Variants in PER3 observed in about 807,000 individuals in gnomAD.
PER3 encodes period circadian protein homolog 3.
PER3 carries 107 observed loss-of-function variants against 127.2 expected under a neutral mutation model. The observed-to-expected ratio is 0.84, with a 90% confidence interval of 0.72 to 0.99. PER3 has a LOEUF of 0.99. Among genes scored for constraint, PER3 ranks in the 50% least tolerant of loss-of-function variants. PER3 has a pLI of 0.00. For missense variants in PER3, 1,560 were observed against 1,525.8 expected, an observed-to-expected ratio of 1.02 and a Z score of -0.37; for synonymous variants, 618 against 585.8, an observed-to-expected ratio of 1.05 and a Z score of -0.79.
At chr1:7,825,941 C>T (rs998272904) in intron 16 of PER3, among the ~76,000 whole-genome samples, 2 of 150,492 alleles carry the variant, frequency 1.3e-5, no homozygotes, top group Admixed American at 1.3e-4. Flanking sequence ...CGTGGTGTGG[C>T]ACACGCTTAT....
chr1:7,836,908 A>G (rs1337590254), intron 20 of PER3, 91 bp from the exon 21 acceptor site: 2 of 953,356 alleles, frequency 2.1e-6, no homozygotes, highest in African/African-American at 3.3e-5. Context: ...AAGGTGTATT[A>G]CCAACCAAGA....
At chr1:7,810,333 C>A in intron 12 of PER3, 105 bp from the exon 13 acceptor site, 1 of 832,772 alleles carries the variant, frequency 1.2e-6, no homozygotes, top group Non-Finnish European at 1.9e-6. Flanking sequence ...GTGCTTCAGT[C>A]ATTATATCTT....
intron 6 of PER3, among the ~76,000 whole-genome samples, chr1:7,796,993 G>GTGCTTAGTTTTAGATAAGTTAAGTT (rs1374568314): frequency 4.6e-5 from 7 of 152,126 alleles, no homozygotes; most frequent in African/African-American, 1.7e-4. Flanking sequence ...AAAGAATGTG[G>GTGCTTAGTTTTAGATAAGTTAAGTT]TGCTTAGTTT....
intron 2 of PER3, 69 bp from the exon 3 acceptor site, chr1:7,785,372 T>G: frequency 7.9e-7 from 1 of 1,266,862 alleles, no homozygotes; most frequent in South Asian, 1.3e-5. Flanking sequence ...GCTTGCAGTT[T>G]GTGTTCCCTA....
intron 19 of PER3, 49 bp from the exon 20 acceptor site, chr1:7,835,713 A>C: frequency 7.4e-7 from 1 of 1,358,894 alleles, no homozygotes; most frequent in Non-Finnish European, 1.0e-6. Context: ...CAGTTTGGCA[A>C]ATCAGTCGGA....
rs757726643 is a variant in PER3 at position 7,785,367 on chromosome 1, C to T, written c.129-74C>T. 1.2e-5 allele frequency: 14 copies of T among 1,179,026 alleles called. No individual in the cohort carries two copies. The Admixed American group carries it at 1.5e-4, about 12-fold the overall frequency. 73.0% of individuals were successfully genotyped at this position (1,179,026 alleles called of 1,614,324 possible). On this transcript the variant is annotated intron_variant, in intron 2 of 21. Transcript: ENST00000377532. ...AGCACTTAGAAACTTACCTGGCTTG[C>T]AGTTTGTGTTCCCTAAGCCGCAAGA...
In PER3 at chr1:7,819,376, C is replaced by G; in HGVS notation, c.1614C>G (p.His538Gln). The G allele has an allele frequency of 1.2e-6, 2 of 1,613,628 alleles. No individual in the cohort carries two copies. Among genetic ancestry groups the G allele is most frequent in the East Asian group, 4.5e-5 (2 of 44,884 alleles). Residue 538 changes from histidine (H) to glutamine (Q), a missense_variant, in exon 14 of 22, where the codon CAC becomes CAG. His to Gln is a conservative substitution (Grantham distance 24). Transcript: ENST00000377532. ...GTGAGGATTTGAGGAACGATGAGCA[C>G]AGCCCATCCTATCAACAGATCAACT... ...EPCEDLRNDE[H>Q]SPSYQQINCI...
In PER3 at chr1:7,820,423, T is replaced by G. The variant is rs1262691073; in HGVS notation, c.1784-44T>G. On this transcript the variant is annotated intron_variant, in intron 15 of 21. Coordinates refer to ENST00000377532, the MANE Select transcript of PER3 (RefSeq NM_001377275.1). The stretch of plus-strand genomic sequence containing the variant: ...CTGGGTCTTTTATGTAAATTTCTCG[T>G]TGGGAATTTTTCTTTTCACTGTCAG... 8 of 1,554,628 alleles carry G rather than the reference T, an allele frequency of 5.1e-6. No homozygotes were observed. The Admixed American group carries it at 1.4e-4, about 26-fold the overall frequency.
Position 7,827,437 on chromosome 1 carries a change from C to G in PER3, c.2508C>G (p.Pro836=). 2 of 1,614,210 alleles carry G rather than the reference C, an allele frequency of 1.2e-6. No homozygotes were observed. Among genetic ancestry groups the G allele is most frequent in the Non-Finnish European group, 1.7e-6 (2 of 1,180,014 alleles). ...CACCGGAAGGCCTGCATGGGCTGCC[C>G]TTGTCCGAGGGCTTGCAGCCTTACC... is the stretch of plus-strand genomic sequence containing the variant. The part of the protein sequence containing the change: ...GTAPEGLHGL[P]LSEGLQPYPA... The change falls in exon 18 of 22, where the codon CCC becomes CCG. Residue 836 remains proline (P), a synonymous_variant. Transcript: ENST00000377532.
intron 11 of PER3, among the ~76,000 whole-genome samples, chr1:7,809,613 T>C (rs1291913161): frequency 6.6e-6 from 1 of 152,224 alleles, no homozygotes; most frequent in East Asian, 1.9e-4. Flanking sequence ...GAGTTTATTT[T>C]CCTGTTTTAA....
intron 8 of PER3, 59 bp from the exon 9 acceptor site, chr1:7,802,988 A>T: frequency 1.1e-6 from 1 of 890,806 alleles, no homozygotes; most frequent in South Asian, 1.3e-5. Context: ...AAGTATTTTT[A>T]AAAGTGTATA....
chr1:7,797,663 T>C, intron 6 of PER3, among the ~76,000 whole-genome samples: 1 of 144,768 alleles, frequency 6.9e-6, no homozygotes, highest in Non-Finnish European at 1.5e-5. Flanking sequence ...GAAAAAAAAG[T>C]GAGGTGGAAG....
At position 7,803,882 on chromosome 1, in the gene PER3, T is replaced by A. The variant is rs765982350; in HGVS notation, c.1136+34T>A. ...GTCAGTTTTCATATTTTCTAAAACA[T>A]CTCTTGTATCAAATAATATTCCTTA... On this transcript the variant is annotated intron_variant, in intron 10 of 21. Coordinates refer to ENST00000377532, the MANE Select transcript of PER3 (RefSeq NM_001377275.1). 5 of 1,552,834 alleles carry A rather than the reference T, an allele frequency of 3.2e-6. No individual in the cohort carries two copies. The African/African-American group carries it at 6.8e-5, about 21-fold the overall frequency.
chr1:7,819,060 G>A (rs556683263), intron 13 of PER3, among the ~76,000 whole-genome samples: 7 of 152,220 alleles, frequency 4.6e-5, no homozygotes, highest in East Asian at 1.9e-4. Context: ...AAATACAATC[G>A]TAGCCATTCT....
At chr1:7,806,777 G>C (rs531455116) in intron 10 of PER3, among the ~76,000 whole-genome samples, 26 of 126,448 alleles carry the variant, frequency 2.1e-4, no homozygotes, top group Non-Finnish European at 2.8e-4. Flanking sequence ...CTGGGCAGCA[G>C]AGCAAGACCC....
chr1:7,808,978 A>G lies in PER3; in HGVS notation c.1222A>G (p.Ile408Val). ...DKDITELQEQ[I>V]YKLLLQPVHV... The stretch of plus-strand genomic sequence containing the variant: ...AGACATAACAGAATTACAAGAACAA[A>G]TTTACAAACTTCTCTTACAGGTAAG... Residue 408 changes from isoleucine to valine, a missense_variant, in exon 11 of 22, where the codon ATT becomes GTT. Physicochemically the swap from Ile to Val is conservative, Grantham distance 29. Coordinates refer to ENST00000377532, the MANE Select transcript of PER3 (RefSeq NM_001377275.1). The G allele has an allele frequency of 6.5e-7, 1 of 1,544,704 alleles. No individual in the cohort carries two copies. Among genetic ancestry groups the G allele is most frequent in the Middle Eastern group, 1.9e-4 (1 of 5,318 alleles).
intron 5 of PER3, among the ~76,000 whole-genome samples, chr1:7,789,142 T>TAC (rs2097106722): frequency 7.6e-6 from 1 of 131,854 alleles, no homozygotes; most frequent in Admixed American, 7.4e-5. Flanking sequence ...AGCTTTAAAA[T>TAC]ATATATATAT....
chr1:7,805,863 T>G (rs2097190482), intron 10 of PER3, among the ~76,000 whole-genome samples: 1 of 152,218 alleles, frequency 6.6e-6, no homozygotes, highest in Admixed American at 6.5e-5. Context: ...ATGCAACATA[T>G]AATGAATATT....
chr1:7,827,483 T>C lies in PER3; in HGVS notation c.2554T>C (p.Leu852=). ...QPYPAFPFPY[L]DTFMTVFLPD... is the part of the protein sequence containing the mutation. The stretch of plus-strand genomic sequence containing the variant: ...TTACCCAGCTTTCCCTTTTCCTTAC[T>C]TGGATACTTTTATGACCGTTTTCCT... Residue 852 remains leucine, a synonymous_variant, in exon 18 of 22, where the codon TTG becomes CTG. Transcript: ENST00000377532. 3 of 1,614,238 alleles carry C rather than the reference T, an allele frequency of 1.9e-6. No individual in the cohort carries two copies. The highest frequency in any genetic ancestry group is 2.5e-6 in the Non-Finnish European group (3 of 1,180,046).
Sources: gnomAD v4.1 joint callset for allele counts (sites outside exome capture counted in the v4.1 genomes callset) on GRCh38, gnomAD v4.1.1 for gene constraint, MANE v1.5 for transcripts, NCBI Gene and HGNC (gene_info 2026-07-23, HGNC 2026-07-21) for gene names.